LIG3: variants seen among roughly 807,000 people sequenced by gnomAD.
LIG3 encodes the protein DNA ligase 3, also known as ligase II, DNA, ATP-dependent.
Under a neutral mutation model 110.9 loss-of-function variants are expected in LIG3, and 58 were observed. The ratio of observed to expected loss-of-function variants is 0.52; its 90% CI spans 0.42 to 0.65. LIG3 has a LOEUF of 0.65. Ranked by LOEUF, LIG3 falls within the 30% of genes least tolerant of loss-of-function variation. LIG3 has a pLI of 0.00. For synonymous variants in LIG3, 422 were observed against 472.8 expected, an observed-to-expected ratio of 0.89 and a Z score of 1.39; for missense variants, 1,094 against 1,273.8, an observed-to-expected ratio of 0.86 and a Z score of 2.15.
intron 3 of LIG3, among the ~76,000 whole-genome samples, chr17:34,989,249 G>T (rs2090691447): frequency 6.6e-6 from 1 of 152,044 alleles, no homozygotes; most frequent in South Asian, 2.1e-4. Context: ...GGAGGCCATT[G>T]TTCCTTTAAC....
chr17:34,994,204 C>G, intron 8 of LIG3, 72 bp from the exon 9 acceptor site: 3 of 1,482,884 alleles, frequency 2.0e-6, no homozygotes, highest in Non-Finnish European at 2.8e-6. Context: ...AACCCAGTTG[C>G]AAGGTCTCTG....
intron 12 of LIG3, 186 bp downstream of exon 12, chr17:34,998,011 C>T (rs1415378739): frequency 4.6e-6 from 3 of 654,724 alleles, no homozygotes; most frequent in Non-Finnish European, 7.9e-6. Flanking sequence ...CATGGAAATC[C>T]TTCCTAGGTA....
At chr17:35,004,148 C>G (rs1009494329) in intron 19 of LIG3, 125 bp from the exon 20 acceptor site, 1 of 674,362 alleles carries the variant, frequency 1.5e-6, no homozygotes, top group Admixed American at 2.4e-5. Context: ...GCATGGTATT[C>G]CAGTAAACTT....
In LIG3 at chr17:34,997,727, GT is replaced by G. The variant is rs776989240; in HGVS notation, c.1824-9del. The G allele has an allele frequency of 2.5e-6, 4 of 1,609,754 alleles. No homozygotes were observed. Among genetic ancestry groups the G allele is most frequent in the Non-Finnish European group, 2.6e-6 (3 of 1,176,084 alleles). ...ATCCCGGCCTAACCTCAGCTCTCCT[GT>G]TCTCCTCAGACCTCTGTGTGAGCGG... On this transcript the variant is annotated splice_polypyrimidine_tract_variant and intron_variant, in intron 11 of 19. Coordinates refer to ENST00000378526, the MANE Select transcript of LIG3 (RefSeq NM_013975.4).
At chr17:35,000,403 C>A (rs1176775350) in intron 16 of LIG3, among the ~76,000 whole-genome samples, 1 of 151,800 alleles carries the variant, frequency 6.6e-6, no homozygotes, top group African/African-American at 2.4e-5. Flanking sequence ...GGATTACAGG[C>A]ATGTGCCACC....
chr17:35,002,881 C>T (rs1311722415), intron 19 of LIG3, 92 bp downstream of exon 19: 1 of 1,585,020 alleles, frequency 6.3e-7, no homozygotes, highest in African/African-American at 1.3e-5. Flanking sequence ...AGAGGATGAG[C>T]AAAGGTGTTT....
intron 10 of LIG3, 119 bp downstream of exon 10, chr17:34,996,314 CTT>C: frequency 8.2e-7 from 1 of 1,223,544 alleles, no homozygotes. Context: ...TTATTCTTCG[CTT>C]CTGACCTGTT....
rs201474129 is a variant in LIG3, at chr17:34,983,339, A to T, written c.334A>T (p.Ile112Phe). The T allele has an allele frequency of 2.5e-6, 4 of 1,614,224 alleles. No individual in the cohort carries two copies. The African/African-American group carries it at 5.3e-5, about 22-fold the overall frequency. ...TGGCTGCAAAAAATGCAAGGAAAAG[A>T]TTGTGAAGGGCGTATGCCGAATTGG... ...TAGCKKCKEK[I>F]VKGVCRIGKV... The change falls in exon 2 of 20, where the codon ATT becomes TTT. Residue 112 changes from isoleucine to phenylalanine, a missense_variant. By Grantham distance (21) the Ile-to-Phe change is conservative (BLOSUM62 0). Transcript: ENST00000378526.
chr17:34,991,598 C>A, intron 5 of LIG3, 73 bp from the exon 6 acceptor site: 5 of 1,455,580 alleles, frequency 3.4e-6, no homozygotes, highest in Non-Finnish European at 4.7e-6. Context: ...GATTCATCTT[C>A]AGTCCTGGGT....
chr17:35,001,312 C>A lies in LIG3; in HGVS notation c.2387C>A (p.Thr796Lys), dbSNP rs947282793. The change falls in exon 17 of 20, where the codon ACA becomes AAA. Residue 796 changes from threonine (T) to lysine (K), a missense_variant. By Grantham distance (78) the Thr-to-Lys change is moderately conservative. Coordinates refer to ENST00000378526, the MANE Select transcript of LIG3 (RefSeq NM_013975.4). The part of the protein sequence containing the change: ...GAEFSKSEAH[T>K]ADGISIRFPR... ...GAATTCTCCAAATCGGAGGCTCATA[C>A]AGCTGACGGGATCTCCATCCGATTC... The A allele has an allele frequency of 3.7e-6, 6 of 1,614,194 alleles. No individual in the cohort carries two copies. The highest frequency in any genetic ancestry group is 1.3e-5 in the African/African-American group (1 of 75,064).
chr17:34,985,683 A>G (rs1164545578), intron 2 of LIG3, among the ~76,000 whole-genome samples: 1 of 152,178 alleles, frequency 6.6e-6, no homozygotes, highest in African/African-American at 2.4e-5. Flanking sequence ...TTTCCCCCAA[A>G]TTGTTATTTC....
At chr17:35,003,081 G>A in intron 19 of LIG3, 1 of 1,613,834 alleles carries the variant, frequency 6.2e-7, no homozygotes, top group Non-Finnish European at 8.5e-7. Context: ...AGACTGCAGG[G>A]ACTCACTCAG....
Position 34,983,369 on chromosome 17 carries a change from G to A in LIG3, c.364G>A (p.Val122Met). The A allele has an allele frequency of 1.9e-6, 3 of 1,614,244 alleles. No individual in the cohort carries two copies. Among genetic ancestry groups the A allele is most frequent in the East Asian group, 4.5e-5 (2 of 44,892 alleles). Residue 122 changes from valine (V) to methionine (M), a missense_variant, in exon 2 of 20, where the codon GTG becomes ATG. Physicochemically the swap from Val to Met is conservative, Grantham distance 21. Coordinates refer to ENST00000378526, the MANE Select transcript of LIG3 (RefSeq NM_013975.4). ...GAAGGGCGTATGCCGAATTGGCAAA[G>A]TGGTGCCCAATCCCTTCTCAGAGTC... is the stretch of plus-strand genomic sequence containing the variant. ...IVKGVCRIGKVVPNPFSESGG... is the reference protein window; with the variant it reads ...IVKGVCRIGKMVPNPFSESGG...
chr17:34,996,079 G>T lies in LIG3; in HGVS notation c.1627G>T (p.Asp543Tyr). 1 of 1,613,882 alleles carries T rather than the reference G, an allele frequency of 6.2e-7. No individual in the cohort carries two copies. Among genetic ancestry groups the T allele is most frequent in the Non-Finnish European group, 8.5e-7 (1 of 1,179,852 alleles). ...CTGCTTTCAGGTGGCCCACTTTAAG[G>T]ACTACATTCCCCAGGCTTTTCCTGG... ...VLPHKVAHFKDYIPQAFPGGH... is the reference protein window; with the variant it reads ...VLPHKVAHFKYYIPQAFPGGH... Residue 543 changes from aspartate (D) to tyrosine (Y), a missense_variant, in exon 10 of 20, where the codon GAC becomes TAC. Asp to Tyr is a radical substitution (Grantham distance 160, BLOSUM62 -3). Coordinates refer to ENST00000378526, the MANE Select transcript of LIG3 (RefSeq NM_013975.4).
chr17:34,998,245 A>AACCCGGGTGATCCAGGAGGGATTG lies in LIG3; in HGVS notation c.1939_1962dup (p.Thr647_Leu654dup). On this transcript the variant is annotated inframe_insertion, in exon 13 of 20. Transcript: ENST00000378526. ...AAGCTTTGGACTTGGCTGACATGAT[A>AACCCGGGTGATCCAGGAGGGATTG]ACCCGGGTGATCCAGGAGGGATTGG... is the stretch of plus-strand genomic sequence containing the variant. 1.2e-6 allele frequency: 2 copies of AACCCGGGTGATCCAGGAGGGATTG among 1,613,236 alleles called. No homozygotes were observed. The highest frequency in any genetic ancestry group is 1.7e-6 in the Non-Finnish European group (2 of 1,179,504).
At chr17:34,998,494 A>T (rs528439923) in intron 13 of LIG3, 110 bp from the exon 14 acceptor site, 2 of 1,382,448 alleles carry the variant, frequency 1.4e-6, no homozygotes, top group South Asian at 2.6e-5. Context: ...GAGGGCTCTT[A>T]CCCTGAGGGA....
At chr17:34,987,059 A>G (rs1011703713) in intron 3 of LIG3, among the ~76,000 whole-genome samples, 1 of 152,246 alleles carries the variant, frequency 6.6e-6, no homozygotes, top group African/African-American at 2.4e-5. Flanking sequence ...TGTAGGACAG[A>G]TGAACAATAA....
In LIG3 at chr17:35,001,308, C is replaced by G. The variant is rs2090839029; in HGVS notation, c.2383C>G (p.His795Asp). The G allele has an allele frequency of 1.2e-6, 2 of 1,614,060 alleles. No homozygotes were observed. The highest frequency in any genetic ancestry group is 1.3e-5 in the African/African-American group (1 of 74,930). ...GGCTGAATTCTCCAAATCGGAGGCT[C>G]ATACAGCTGACGGGATCTCCATCCG... ...TGAEFSKSEA[H>D]TADGISIRFP... Residue 795 changes from histidine to aspartate, a missense_variant, in exon 17 of 20, where the codon CAT (histidine) becomes GAT (aspartate). Transcript: ENST00000378526.
Position 35,004,414 on chromosome 17 carries a change from G to A in LIG3, c.2938G>A (p.Gly980Ser). ...TATGACTTCAGCCACGCACGTGCTG[G>A]GTAGCAGGGACAAGAACCCTGCGGC... is the stretch of plus-strand genomic sequence containing the variant. ...FDMTSATHVLGSRDKNPAAQQ... is the reference protein window; with the variant it reads ...FDMTSATHVLSSRDKNPAAQQ... The change falls in exon 20 of 20, where the codon GGT (glycine) becomes AGT (serine). Residue 980 changes from glycine (G) to serine (S), a missense_variant. Coordinates refer to ENST00000378526, the MANE Select transcript of LIG3 (RefSeq NM_013975.4). 6.2e-7 allele frequency: 1 copy of A among 1,614,188 alleles called. No individual in the cohort carries two copies. The highest frequency in any genetic ancestry group is 1.1e-5 in the South Asian group (1 of 91,082).
Sources: allele counts gnomAD v4.1 joint callset (sites outside exome capture counted in the v4.1 genomes callset), GRCh38; gene constraint gnomAD v4.1.1; transcripts MANE v1.5; gene names NCBI Gene and HGNC (gene_info 2026-07-23, HGNC 2026-07-21).